SYCP2L: variants seen among roughly 807,000 people sequenced by gnomAD.
SYCP2L encodes synaptonemal complex protein 2-like.
SYCP2L carries 98 observed loss-of-function variants against 125.8 expected under a neutral mutation model. The observed-to-expected ratio is 0.78, with a 90% CI of 0.66 to 0.92. SYCP2L has a LOEUF of 0.92. Among genes scored for constraint, SYCP2L ranks in the 40% least tolerant of loss-of-function variants. SYCP2L has a pLI of 0.00. For synonymous variants in SYCP2L, 317 were observed against 325.4 expected (o/e 0.97, Z 0.28); for missense variants, 842 against 936.4 (o/e 0.90, Z 1.32).
intron 10 of SYCP2L, among the ~76,000 whole-genome samples, chr6:10,907,891 G>GGTTT (rs1554105091): frequency 1.4e-4 from 3 of 21,546 alleles, no homozygotes; most frequent in Admixed American, 1.5e-3. Flanking sequence ...GATACAGATA[G>GGTTT]GTTTTTTTTT....
In SYCP2L at chr6:10,969,454, G is replaced by A. The variant is rs904994513; in HGVS notation, c.*38-4498G>A. On this transcript the variant is annotated intron_variant, in intron 29 of 29. Transcript: ENST00000283141. Reference sequence around the variant, plus strand: ...TGGCTCACTGCAAGCTCCGCCTCCTGAGTTCACGCCATTCTCCAGCCTCAG... The same window carrying A: ...TGGCTCACTGCAAGCTCCGCCTCCTAAGTTCACGCCATTCTCCAGCCTCAG... Among the ~76,000 whole-genome samples the A allele has an allele frequency of 2.7e-5, 4 of 148,490 alleles. No individual in the cohort carries two copies. In the Admixed American group the frequency reaches 2.7e-4, roughly 10 times the overall value.
chr6:10,893,343 C>G (rs1427312273), intron 2 of SYCP2L, among the ~76,000 whole-genome samples: 4 of 152,160 alleles, frequency 2.6e-5, no homozygotes, highest in Non-Finnish European at 5.9e-5. Flanking sequence ...AATGTGCAGG[C>G]AGAAAAGATG....
At chr6:10,911,271 TTCTC>T (rs200752414) in intron 12 of SYCP2L, among the ~76,000 whole-genome samples, 1 of 151,932 alleles carries the variant, frequency 6.6e-6, no homozygotes, top group Non-Finnish European at 1.5e-5. Context: ...CCACTGTCCT[TTCTC>T]TCTCTCTCAT....
At chr6:10,956,279 T>C (rs1486091284) in intron 25 of SYCP2L, 37 bp downstream of exon 25, 2 of 1,454,116 alleles carry the variant, frequency 1.4e-6, no homozygotes, top group Non-Finnish European at 1.9e-6. Context: ...TAGAGCGTTA[T>C]GAATCTGGAG....
intron 28 of SYCP2L, 114 bp from the exon 29 acceptor site, chr6:10,963,668 A>G: frequency 3.0e-6 from 3 of 994,104 alleles, no homozygotes; most frequent in Non-Finnish European, 4.6e-6. Context: ...GTCTATAATT[A>G]AGTAATATAA....
At chr6:10,909,835 G>A (rs1279404671) in intron 10 of SYCP2L, among the ~76,000 whole-genome samples, 4 of 152,122 alleles carry the variant, frequency 2.6e-5, no homozygotes, top group Non-Finnish European at 5.9e-5. Flanking sequence ...TCAGTAAGAC[G>A]TATTTATCTT....
intron 11 of SYCP2L, among the ~76,000 whole-genome samples, chr6:10,910,458 C>T (rs56395835): frequency 0.034 from 5,231 of 152,262 alleles, 147 homozygotes; most frequent in Middle Eastern, 0.13. Flanking sequence ...ATAATACATT[C>T]TTTAAAGAGT....
rs570687763 is a variant in SYCP2L at position 10,926,867 on chromosome 6, C to T, written c.1313-373C>T. On this transcript the variant is annotated intron_variant, in intron 16 of 29. Coordinates refer to ENST00000283141, the MANE Select transcript of SYCP2L (RefSeq NM_001040274.3). The stretch of plus-strand genomic sequence containing the variant: ...CGATCTCGGCTCACTGCAACCTCTG[C>T]CTCCTAGGTTTAAGCAACTCTTCTG... Among the ~76,000 whole-genome samples, 11 of 151,356 alleles carry T rather than the reference C, an allele frequency of 7.3e-5. No homozygotes were observed. The East Asian group carries it at 2.1e-3, about 30-fold the overall frequency.
chr6:10,888,435 A>C (rs1246312378), intron 1 of SYCP2L, among the ~76,000 whole-genome samples: 1 of 152,106 alleles, frequency 6.6e-6, no homozygotes, highest in African/African-American at 2.4e-5. Context: ...ATCTCAGAGA[A>C]TCTAACGATC....
chr6:10,931,291 A>G, intron 19 of SYCP2L, 149 bp from the exon 20 acceptor site: 1 of 702,530 alleles, frequency 1.4e-6, no homozygotes, highest in South Asian at 1.8e-5. Flanking sequence ...AGGTTGAATA[A>G]TCAGGAAAGG....
chr6:10,918,849 A>C (rs192381569), intron 14 of SYCP2L, among the ~76,000 whole-genome samples: 22 of 151,748 alleles, frequency 1.4e-4, no homozygotes, highest in Admixed American at 4.6e-4. Flanking sequence ...TCTTTCTTCC[A>C]CTTGTTCGAT....
In SYCP2L at chr6:10,963,817, G is replaced by A. The variant is rs1781631652; in HGVS notation, c.*11G>A. On this transcript the variant is annotated 3_prime_UTR_variant, in exon 29 of 30. Coordinates refer to ENST00000283141, the MANE Select transcript of SYCP2L (RefSeq NM_001040274.3). The stretch of plus-strand genomic sequence containing the variant: ...ACTCAGACTTCATAAGAAAGCCAAA[G>A]CCTGGTTTTATGATTGCAGCCCTCA... 1 of 1,613,908 alleles carries A rather than the reference G, an allele frequency of 6.2e-7. No individual in the cohort carries two copies. The highest frequency in any genetic ancestry group is 8.5e-7 in the Non-Finnish European group (1 of 1,179,858).
intron 23 of SYCP2L, among the ~76,000 whole-genome samples, chr6:10,950,619 C>G (rs968938102): frequency 6.6e-6 from 1 of 152,130 alleles, no homozygotes; most frequent in East Asian, 1.9e-4. Context: ...CAGCAGGAGC[C>G]CCTCCTTTAA....
intron 23 of SYCP2L, among the ~76,000 whole-genome samples, chr6:10,949,969 C>T (rs182371131): frequency 6.6e-6 from 1 of 152,146 alleles, no homozygotes; most frequent in South Asian, 2.1e-4. Context: ...CATTTTTAAT[C>T]ATTTTCCCCC....
At chr6:10,893,766 A>G (rs989901576) in intron 2 of SYCP2L, 101 bp from the exon 3 acceptor site, 2 of 1,254,686 alleles carry the variant, frequency 1.6e-6, no homozygotes, top group Non-Finnish European at 2.2e-6. Context: ...ACCCTATATT[A>G]TTTCACACTG....
chr6:10,932,352 A>C (rs77500587), intron 20 of SYCP2L, among the ~76,000 whole-genome samples: 2,828 of 152,186 alleles, frequency 0.019, 92 homozygotes, highest in African/African-American at 0.065. Context: ...TCACTGAATT[A>C]CCTCTCTCAG....
At chr6:10,944,447 A>C (rs149251458) in intron 23 of SYCP2L, among the ~76,000 whole-genome samples, 1 of 152,180 alleles carries the variant, frequency 6.6e-6, no homozygotes, top group Non-Finnish European at 1.5e-5. Context: ...ATCTTCTTCC[A>C]CTGTGTGGTC....
chr6:10,909,938 CA>C (rs987181940), intron 10 of SYCP2L, among the ~76,000 whole-genome samples: 1 of 152,192 alleles, frequency 6.6e-6, no homozygotes, highest in African/African-American at 2.4e-5. Flanking sequence ...CTGCAGGGAG[CA>C]AAGGTTCCTT....
At chr6:10,887,178 T>G in intron 1 of SYCP2L, 43 bp downstream of exon 1, 1 of 1,611,640 alleles carries the variant, frequency 6.2e-7, no homozygotes, top group South Asian at 1.1e-5. Context: ...TCCACAGTGC[T>G]AGGGCGCGCG....
Sources: allele counts gnomAD v4.1 joint callset (sites outside exome capture counted in the v4.1 genomes callset), GRCh38; gene constraint gnomAD v4.1.1; transcripts MANE v1.5; gene names NCBI Gene and HGNC (gene_info 2026-07-23, HGNC 2026-07-21).